Variants in NTNG1 observed in about 807,000 individuals in gnomAD.
NTNG1 encodes the protein netrin-G1.
Under a neutral mutation model 54.0 loss-of-function variants are expected in NTNG1, and 16 were observed. That is an observed-to-expected ratio of 0.30 (90% CI 0.20 to 0.45). The LOEUF is 0.45. Among genes scored for constraint, NTNG1 ranks in the 20% least tolerant of loss-of-function variants. The probability of loss-of-function intolerance (pLI) is 1.00; values close to 1 mark genes in which losing one functional copy is unlikely to be tolerated. For missense variants in NTNG1, 530 were observed against 678.7 expected (o/e 0.78, Z 2.43); for synonymous variants, 255 against 263.1 (o/e 0.97, Z 0.30).
rs150216655 is a variant in NTNG1, at chr1:107,479,164, A to G, written c.1391-1447A>G. Among the ~76,000 whole-genome samples the G allele has an allele frequency of 1.8e-3, 273 of 152,328 alleles. 3 individuals are homozygous for G. Among genetic ancestry groups the G allele is most frequent in the African/African-American group, 6.2e-3 (258 of 41,568 alleles). Reference sequence around the variant, plus strand: ...AACCGTGTTAGAGGTCACCAAGGAAATGTTGAGGAAGGCAGTAAAACAGTG... The same window carrying G: ...AACCGTGTTAGAGGTCACCAAGGAAGTGTTGAGGAAGGCAGTAAAACAGTG... On this transcript the variant is annotated intron_variant, in intron 7 of 7. Transcript: ENST00000370068.
chr1:107,275,939 G>A (rs933056218), intron 2 of NTNG1, among the ~76,000 whole-genome samples: 9 of 152,136 alleles, frequency 5.9e-5, no homozygotes, highest in African/African-American at 2.2e-4. Flanking sequence ...GAGAAGAAGG[G>A]CTTCTCTCTT....
intron 2 of NTNG1, among the ~76,000 whole-genome samples, chr1:107,177,228 T>C (rs1027927414): frequency 6.6e-6 from 1 of 152,208 alleles, no homozygotes; most frequent in Admixed American, 6.5e-5. Context: ...TAAGTTTCAT[T>C]TGTAGCAAAA....
intron 2 of NTNG1, among the ~76,000 whole-genome samples, chr1:107,322,312 ATACCCC>A (rs1393564410): frequency 6.6e-6 from 1 of 152,070 alleles, no homozygotes; most frequent in Non-Finnish European, 1.5e-5. Flanking sequence ...CCTTGTTTCC[ATACCCC>A]TGACCTCAGA....
At chr1:107,247,479 A>T (rs1662280234) in intron 2 of NTNG1, among the ~76,000 whole-genome samples, 1 of 152,212 alleles carries the variant, frequency 6.6e-6, no homozygotes, top group Admixed American at 6.5e-5. Context: ...TTCTTCTGTA[A>T]AGTGAGTATA....
intron 3 of NTNG1, among the ~76,000 whole-genome samples, chr1:107,377,613 C>T (rs560774165): frequency 1.3e-5 from 2 of 152,348 alleles, no homozygotes; most frequent in Middle Eastern, 6.8e-3. Context: ...AGCATTTTCT[C>T]CAGTGAGAGG....
chr1:107,357,256 C>G (rs1199877421), intron 3 of NTNG1, among the ~76,000 whole-genome samples: 1 of 135,106 alleles, frequency 7.4e-6, no homozygotes, highest in African/African-American at 2.8e-5. Context: ...TTTCTGCTGA[C>G]CTGATCCTCA....
chr1:107,448,159 T>C (rs962973766), intron 7 of NTNG1, among the ~76,000 whole-genome samples: 1 of 152,100 alleles, frequency 6.6e-6, no homozygotes, highest in African/African-American at 2.4e-5. Context: ...CTCTGACTTA[T>C]AACCATAGAA....
At chr1:107,267,760 T>C (rs1006301062) in intron 2 of NTNG1, among the ~76,000 whole-genome samples, 1 of 152,172 alleles carries the variant, frequency 6.6e-6, no homozygotes, top group African/African-American at 2.4e-5. Flanking sequence ...CAAGCACACA[T>C]ACATTAACTC....
At chr1:107,405,905 A>G (rs1673386841) in intron 4 of NTNG1, among the ~76,000 whole-genome samples, 1 of 152,174 alleles carries the variant, frequency 6.6e-6, no homozygotes, top group Non-Finnish European at 1.5e-5. Context: ...TCACTGTCAC[A>G]CTGCAGCAGA....
At chr1:107,258,889 T>C (rs1203298338) in intron 2 of NTNG1, among the ~76,000 whole-genome samples, 1 of 152,216 alleles carries the variant, frequency 6.6e-6, no homozygotes, top group East Asian at 1.9e-4. Context: ...GTTGTTGTTA[T>C]TATTTGTTTT....
intron 3 of NTNG1, among the ~76,000 whole-genome samples, chr1:107,384,789 T>C (rs1464354134): frequency 6.6e-6 from 1 of 152,248 alleles, no homozygotes; most frequent in Non-Finnish European, 1.5e-5. Context: ...CAGGAATTCG[T>C]ATGCAAATTG....
chr1:107,197,261 T>C (rs531551286), intron 2 of NTNG1, among the ~76,000 whole-genome samples: 1 of 152,096 alleles, frequency 6.6e-6, no homozygotes, highest in African/African-American at 2.4e-5. Context: ...GTGCTGAAAC[T>C]AGGTAGGTCT....
In NTNG1 at chr1:107,299,322, A is replaced by T. The variant is rs1057077384; in HGVS notation, c.247-24960A>T. ...AGGTCATGTACTTAGGTCTGTACTT[A>T]AAAATCAAGTATAAAATAAAAATTG... On this transcript the variant is annotated intron_variant, in intron 2 of 7. Transcript: ENST00000370068. Among the ~76,000 whole-genome samples the T allele has an allele frequency of 1.2e-3, 189 of 152,314 alleles. 1 individual carries two copies. Among genetic ancestry groups the T allele is most frequent in the African/African-American group, 4.4e-3 (184 of 41,584 alleles).
chr1:107,245,294 A>G (rs1570945286), intron 2 of NTNG1, among the ~76,000 whole-genome samples: 1 of 152,228 alleles, frequency 6.6e-6, no homozygotes, highest in South Asian at 2.1e-4. Context: ...ACCCAGGGCT[A>G]TACTTGTGGA....
chr1:107,148,511 A>G lies in NTNG1; in HGVS notation c.-83A>G, dbSNP rs1570705379. ...CCCGTACGCATACATACATATGTGT[A>G]TATATATGTAAACTAGACAAAGATC... is the stretch of plus-strand genomic sequence containing the variant. On this transcript the variant is annotated 5_prime_UTR_variant, in exon 2 of 8. Coordinates refer to ENST00000370068, the MANE Select transcript of NTNG1 (RefSeq NM_001113226.3). The G allele has an allele frequency of 7.6e-7, 1 of 1,323,454 alleles. No individual in the cohort carries two copies. Among genetic ancestry groups the G allele is most frequent in the Non-Finnish European group, 1.1e-6 (1 of 932,188 alleles). The allele number at this position is 1,323,454 out of a possible 1,614,324, so 82.0% of individuals were successfully genotyped here.
intron 7 of NTNG1, among the ~76,000 whole-genome samples, chr1:107,463,738 T>TA (rs1353414985): frequency 6.6e-6 from 1 of 152,132 alleles, no homozygotes; most frequent in African/African-American, 2.4e-5. Flanking sequence ...CACCAGTCTA[T>TA]ATAAGGCAAG....
At chr1:107,341,212 C>T (rs1668877286) in intron 3 of NTNG1, among the ~76,000 whole-genome samples, 1 of 151,988 alleles carries the variant, frequency 6.6e-6, no homozygotes, top group South Asian at 2.1e-4. Context: ...TCAAACTTAA[C>T]CACTAGTATT....
chr1:107,380,625 T>A (rs1671585141), intron 3 of NTNG1, among the ~76,000 whole-genome samples: 1 of 152,228 alleles, frequency 6.6e-6, no homozygotes, highest in Non-Finnish European at 1.5e-5. Context: ...GTTATTATTA[T>A]TTCTCTGATC....
At chr1:107,152,038 A>ATATATACG (rs1654611954) in intron 2 of NTNG1, among the ~76,000 whole-genome samples, 1 of 151,660 alleles carries the variant, frequency 6.6e-6, no homozygotes, top group African/African-American at 2.4e-5. Context: ...ATATACATAC[A>ATATATACG]TATATACATA....
Sources: allele counts gnomAD v4.1 joint callset (sites outside exome capture counted in the v4.1 genomes callset), GRCh38; gene constraint gnomAD v4.1.1; transcripts MANE v1.5; gene names NCBI Gene and HGNC (gene_info 2026-07-23, HGNC 2026-07-21).